The following GRM7 variants were observed in gnomAD, a reference collection of about 807,000 sequenced individuals.
GRM7 encodes glutamate metabotropic receptor 7, also known as metabotropic glutamate receptor 7.
Under a neutral mutation model 84.5 loss-of-function variants are expected in GRM7, and 35 were observed. The observed-to-expected ratio is 0.41, with a 90% CI of 0.32 to 0.55. The LOEUF is 0.55. Among genes scored for constraint, GRM7 ranks in the 20% least tolerant of loss-of-function variants. GRM7 has a pLI of 0.19. For synonymous variants in GRM7, 487 were observed against 455.1 expected (o/e 1.07, Z -0.89); for missense variants, 1,003 against 1,194.6 (o/e 0.84, Z 2.36).
At chr3:7,194,131 A>T (rs905784228) in intron 2 of GRM7, among the ~76,000 whole-genome samples, 1 of 152,070 alleles carries the variant, frequency 6.6e-6, no homozygotes, top group African/African-American at 2.4e-5. Flanking sequence ...TATAAAATGC[A>T]TTTTCTCTGA....
chr3:7,534,606 A>T (rs17721087), intron 7 of GRM7, among the ~76,000 whole-genome samples: 8,090 of 152,226 alleles, frequency 0.053, 319 homozygotes, highest in Non-Finnish European at 0.084. Flanking sequence ...TTTCACCTTA[A>T]AAAGTCCCTT....
chr3:7,024,292 G>A (rs1443568191), intron 1 of GRM7, among the ~76,000 whole-genome samples: 2 of 152,162 alleles, frequency 1.3e-5, no homozygotes, highest in Non-Finnish European at 2.9e-5. Context: ...GCAAGAGGGA[G>A]GGGTAATATA....
chr3:6,948,420 C>T (rs929958582), intron 1 of GRM7, among the ~76,000 whole-genome samples: 6 of 152,112 alleles, frequency 3.9e-5, no homozygotes, highest in Non-Finnish European at 7.3e-5. Context: ...GTCTGAGAGA[C>T]AGTTTGTTAT....
chr3:6,971,186 AT>A (rs1355704557), intron 1 of GRM7, among the ~76,000 whole-genome samples: 1 of 151,844 alleles, frequency 6.6e-6, no homozygotes, highest in East Asian at 1.9e-4. Flanking sequence ...AAAAAAAAAA[AT>A]TAAAAATAAC....
intron 7 of GRM7, among the ~76,000 whole-genome samples, chr3:7,571,155 C>T (rs553266759): frequency 2.6e-5 from 4 of 152,292 alleles, no homozygotes; most frequent in South Asian, 2.1e-4. Context: ...CCAAGAAGAC[C>T]TCTGACATGC....
At chr3:7,704,519 G>A (rs1005311467) in intron 9 of GRM7, among the ~76,000 whole-genome samples, 3 of 152,052 alleles carry the variant, frequency 2.0e-5, no homozygotes, top group African/African-American at 7.2e-5. Flanking sequence ...TGAAAAAAAT[G>A]TAATATTAAA....
intron 7 of GRM7, among the ~76,000 whole-genome samples, chr3:7,476,354 T>G (rs1378872485): frequency 1.3e-5 from 2 of 152,154 alleles, no homozygotes; most frequent in Non-Finnish European, 2.9e-5. Context: ...AAGACCATCC[T>G]GGCTAACATG....
At chr3:7,112,958 T>C (rs1454675152) in intron 1 of GRM7, among the ~76,000 whole-genome samples, 2 of 152,106 alleles carry the variant, frequency 1.3e-5, no homozygotes, top group African/African-American at 2.4e-5. Flanking sequence ...CAAAACTGAG[T>C]TGGTTCAGGT....
intron 1 of GRM7, among the ~76,000 whole-genome samples, chr3:7,097,452 C>T (rs1698897217): frequency 6.6e-6 from 1 of 152,016 alleles, no homozygotes; most frequent in Admixed American, 6.6e-5. Context: ...TATGGAGATC[C>T]ATAATAGTTC....
rs563181973 is a variant in GRM7, at chr3:7,701,504, C to T, written c.2698+21209C>T. On this transcript the variant is annotated intron_variant, in intron 9 of 9. Coordinates refer to ENST00000357716, the MANE Select transcript of GRM7 (RefSeq NM_000844.4). ...TGTTTTAGTAGAGACAGGGTTTCAC[C>T]ATGTTAGCCAGGATGGTCTCGATCT... Among the ~76,000 whole-genome samples the T allele has an allele frequency of 3.9e-5, 6 of 151,996 alleles. 1 individual carries two copies. Among genetic ancestry groups the T allele is most frequent in the Non-Finnish European group, 8.8e-5 (6 of 68,016 alleles).
intron 9 of GRM7, among the ~76,000 whole-genome samples, chr3:7,733,105 T>C (rs1396029206): frequency 6.6e-6 from 1 of 152,182 alleles, no homozygotes; most frequent in Non-Finnish European, 1.5e-5. Context: ...CTGCATGCTA[T>C]TTTATCAGCA....
intron 1 of GRM7, among the ~76,000 whole-genome samples, chr3:7,009,697 C>T (rs1053491680): frequency 1.3e-5 from 2 of 152,098 alleles, no homozygotes; most frequent in African/African-American, 2.4e-5. Flanking sequence ...TGATTCTGTG[C>T]GCACTGTCTG....
intron 8 of GRM7, among the ~76,000 whole-genome samples, chr3:7,675,684 A>C (rs1163755287): frequency 6.6e-6 from 1 of 152,232 alleles, no homozygotes; most frequent in Non-Finnish European, 1.5e-5. Flanking sequence ...AGACATGAAT[A>C]GGAGTGGGCT....
At chr3:7,088,294 C>T (rs372550417) in intron 1 of GRM7, among the ~76,000 whole-genome samples, 5 of 152,178 alleles carry the variant, frequency 3.3e-5, no homozygotes, top group East Asian at 1.9e-4. Context: ...GGGAAGTAAA[C>T]GTGAAACTGA....
At chr3:7,374,485 A>T (rs1694262915) in intron 4 of GRM7, among the ~76,000 whole-genome samples, 2 of 151,352 alleles carry the variant, frequency 1.3e-5, no homozygotes, top group African/African-American at 4.9e-5. Flanking sequence ...CATTATTATT[A>T]TTATTATTTT....
intron 4 of GRM7, among the ~76,000 whole-genome samples, chr3:7,327,682 C>T (rs1271475762): frequency 6.6e-6 from 1 of 152,170 alleles, no homozygotes; most frequent in African/African-American, 2.4e-5. Context: ...AACTTTTGCT[C>T]TTTAATCTCT....
intron 1 of GRM7, among the ~76,000 whole-genome samples, chr3:6,923,243 G>C (rs975300883): frequency 6.6e-6 from 1 of 152,000 alleles, no homozygotes; most frequent in African/African-American, 2.4e-5. Context: ...TCGGACTTCT[G>C]ACCTCAGATG....
At chr3:7,166,795 T>A (rs73811622) in intron 2 of GRM7, among the ~76,000 whole-genome samples, 1 of 152,122 alleles carries the variant, frequency 6.6e-6, no homozygotes, top group South Asian at 2.1e-4. Flanking sequence ...GTCACCACTG[T>A]AGCCTCGTCC....
chr3:7,392,871 CT>C (rs1431770897), intron 4 of GRM7, among the ~76,000 whole-genome samples: 1 of 152,158 alleles, frequency 6.6e-6, no homozygotes, highest in Non-Finnish European at 1.5e-5. Context: ...TCACCACAGC[CT>C]GTTACAGGGC....
Sources: gnomAD v4.1 joint callset for allele counts (sites outside exome capture counted in the v4.1 genomes callset) on GRCh38, gnomAD v4.1.1 for gene constraint, MANE v1.5 for transcripts, NCBI Gene and HGNC (gene_info 2026-07-23, HGNC 2026-07-21) for gene names.